NR3C1: variants seen among roughly 807,000 people sequenced by gnomAD.
NR3C1 encodes glucocorticoid receptor.
In NR3C1, 14 loss-of-function variants were observed where a neutral mutation model predicts 74.0. The observed-to-expected ratio is 0.19, with a 90% CI of 0.12 to 0.30. The LOEUF (loss-of-function observed/expected upper bound fraction) is 0.30, where lower values mean the gene tolerates loss of function less well. Among genes scored for constraint, NR3C1 ranks in the 10% least tolerant of loss-of-function variants. The pLI is 1.00. For missense variants in NR3C1, 695 were observed against 909.8 expected (o/e 0.76, Z 3.04); for synonymous variants, 308 against 332.5 (o/e 0.93, Z 0.80).
At chr5:143,302,024 G>A (rs1247112010) in intron 4 of NR3C1, among the ~76,000 whole-genome samples, 4 of 151,938 alleles carry the variant, frequency 2.6e-5, no homozygotes, top group African/African-American at 9.7e-5. Flanking sequence ...ATGCTCTCTT[G>A]GAGGCACAGT....
chr5:143,323,075 T>C (rs1823717758), intron 2 of NR3C1, among the ~76,000 whole-genome samples: 1 of 152,094 alleles, frequency 6.6e-6, no homozygotes, highest in Admixed American at 6.5e-5. Flanking sequence ...CAGAAATAAT[T>C]AATAAGTTTT....
At chr5:143,355,951 G>C (rs1275892175) in intron 2 of NR3C1, among the ~76,000 whole-genome samples, 2 of 152,128 alleles carry the variant, frequency 1.3e-5, no homozygotes, top group African/African-American at 4.8e-5. Flanking sequence ...ACAGTAAGTT[G>C]TTTACTCCCT....
chr5:143,332,857 T>C, intron 2 of NR3C1: 1 of 1,454,332 alleles, frequency 6.9e-7, no homozygotes, highest in African/African-American at 1.4e-5. Flanking sequence ...AGTGGTATCT[T>C]TGTAAAAGTT....
intron 2 of NR3C1, among the ~76,000 whole-genome samples, chr5:143,397,592 A>G (rs1839459980): frequency 1.3e-5 from 2 of 152,000 alleles, no homozygotes; most frequent in African/African-American, 4.8e-5. Flanking sequence ...TTAACAAAAT[A>G]CCCTGTATAA....
chr5:143,420,643 T>A (rs1478047380), intron 1 of NR3C1, among the ~76,000 whole-genome samples: 2 of 152,164 alleles, frequency 1.3e-5, no homozygotes, highest in Admixed American at 1.3e-4. Flanking sequence ...AGAATCTTAT[T>A]GGCATCTAGT....
chr5:143,292,425 T>TA (rs1816144123), intron 7 of NR3C1, among the ~76,000 whole-genome samples: 1 of 152,164 alleles, frequency 6.6e-6, no homozygotes, highest in African/African-American at 2.4e-5. Flanking sequence ...AAGGAAGGGC[T>TA]AGAATCCTCT....
intron 7 of NR3C1, among the ~76,000 whole-genome samples, chr5:143,283,963 T>G (rs557463605): frequency 6.6e-6 from 1 of 152,256 alleles, no homozygotes; most frequent in East Asian, 1.9e-4. Context: ...AACTGTGCAC[T>G]CTCCAGAGAG....
intron 2 of NR3C1, among the ~76,000 whole-genome samples, chr5:143,345,465 C>G (rs935508093): frequency 6.6e-6 from 1 of 152,176 alleles, no homozygotes; most frequent in Non-Finnish European, 1.5e-5. Context: ...CTGCCTTGGC[C>G]TCCCAAAGTG....
At chr5:143,295,304 C>A in intron 7 of NR3C1, 156 bp downstream of exon 7, 2 of 1,368,408 alleles carry the variant, frequency 1.5e-6, no homozygotes, top group Non-Finnish European at 1.9e-6. Flanking sequence ...ACTTACTGTG[C>A]CTTTCTAATA....
chr5:143,348,475 C>T (rs1260940419), intron 2 of NR3C1, among the ~76,000 whole-genome samples: 2 of 152,184 alleles, frequency 1.3e-5, no homozygotes, highest in East Asian at 1.9e-4. Flanking sequence ...TTTGAGTCGA[C>T]TGATATGCAT....
In NR3C1 at chr5:143,279,201, C is replaced by T; in HGVS notation, c.*2688G>A. 1 of 734,412 alleles carries T rather than the reference C, an allele frequency of 1.4e-6. No individual in the cohort carries two copies. Among genetic ancestry groups the T allele is most frequent in the Non-Finnish European group, 2.1e-6 (1 of 469,124 alleles). 45.5% of individuals were successfully genotyped at this position (734,412 alleles called of 1,614,324 possible). A position where few individuals can be genotyped will look rare whatever the true frequency, so the allele number is the denominator to read the frequency against. ...CATAATTAAGATGACTTTCTTTTCCCCCACGTATCCTAAAAGGGCACAGCT... is the reference window on the plus strand; with the variant it reads ...CATAATTAAGATGACTTTCTTTTCCTCCACGTATCCTAAAAGGGCACAGCT... On this transcript the variant is annotated 3_prime_UTR_variant, in exon 9 of 9. Transcript: ENST00000394464.
Position 143,279,176 on chromosome 5 carries a change from C to A in NR3C1, c.*2713G>T. 1 of 636,076 alleles carries A rather than the reference C, an allele frequency of 1.6e-6. No individual in the cohort carries two copies. The highest frequency in any genetic ancestry group is 2.6e-6 in the Non-Finnish European group (1 of 390,382). 39.4% of individuals were successfully genotyped at this position (636,076 alleles called of 1,614,324 possible). ...TATAGCACTTAAATCCACAATTAAACATAATTAAGATGACTTTCTTTTCCC... is the reference window on the plus strand; with the variant it reads ...TATAGCACTTAAATCCACAATTAAAAATAATTAAGATGACTTTCTTTTCCC... On this transcript the variant is annotated 3_prime_UTR_variant, in exon 9 of 9. Transcript: ENST00000394464.
intron 7 of NR3C1, chr5:143,294,923 C>A: frequency 1.0e-6 from 1 of 985,354 alleles, no homozygotes; most frequent in Non-Finnish European, 1.2e-6. Context: ...AAAAAGTAAT[C>A]TCACAGAAGT....
At chr5:143,384,946 AG>A (rs1836916299) in intron 2 of NR3C1, among the ~76,000 whole-genome samples, 1 of 152,216 alleles carries the variant, frequency 6.6e-6, no homozygotes, top group Non-Finnish European at 1.5e-5. Flanking sequence ...GATCTCCATG[AG>A]GGCTCTGCCC....
chr5:143,346,397 T>C (rs1162219504), intron 2 of NR3C1, among the ~76,000 whole-genome samples: 8 of 152,206 alleles, frequency 5.3e-5, no homozygotes, highest in Non-Finnish European at 1.5e-5. Flanking sequence ...AGAGGAGATG[T>C]AACAGAAGAG....
intron 2 of NR3C1, chr5:143,333,349 A>T: frequency 3.1e-6 from 2 of 651,478 alleles, no homozygotes; most frequent in Non-Finnish European, 5.4e-6. Flanking sequence ...AGTAACCTTG[A>T]GATTGGGAGG....
intron 2 of NR3C1, among the ~76,000 whole-genome samples, chr5:143,321,887 A>G (rs1197662195): frequency 6.6e-6 from 1 of 152,224 alleles, no homozygotes; most frequent in Non-Finnish European, 1.5e-5. Context: ...ATGTATATGT[A>G]TCCTGTTTCT....
At position 143,332,043 on chromosome 5, in the gene NR3C1, C is replaced by T. The variant is rs114481865; in HGVS notation, c.1185-17875G>A. Among the ~76,000 whole-genome samples, 1,156 of 152,202 alleles carry T rather than the reference C, an allele frequency of 7.6e-3. 9 individuals are homozygous for T. Among genetic ancestry groups the T allele is most frequent in the African/African-American group, 0.026 (1,095 of 41,520 alleles). On this transcript the variant is annotated intron_variant, in intron 2 of 8. Coordinates refer to ENST00000394464, the MANE Select transcript of NR3C1 (RefSeq NM_000176.3). Reference sequence around the variant, plus strand: ...CTTTATCCATAGTTTAAAATTAGAACACAAAACATCTAACCACCTGCCAAA... The same window carrying T: ...CTTTATCCATAGTTTAAAATTAGAATACAAAACATCTAACCACCTGCCAAA...
At chr5:143,402,709 C>A in intron 1 of NR3C1, 3 of 985,380 alleles carry the variant, frequency 3.0e-6, no homozygotes, top group Non-Finnish European at 3.6e-6. Flanking sequence ...CCCTCACGCG[C>A]CCCGCACGCC....
Sources: allele counts gnomAD v4.1 joint callset (sites outside exome capture counted in the v4.1 genomes callset), GRCh38; gene constraint gnomAD v4.1.1; transcripts MANE v1.5; gene names NCBI Gene and HGNC (gene_info 2026-07-23, HGNC 2026-07-21).